Variants in HECW1 observed in about 807,000 individuals in gnomAD.
HECW1 encodes HECT, C2 and WW domain containing E3 ubiquitin protein ligase 1, also known as E3 ubiquitin-protein ligase HECW1.
Under a neutral mutation model 182.3 loss-of-function variants are expected in HECW1, and 61 were observed. The observed-to-expected ratio is 0.33, with a 90% CI of 0.27 to 0.41. HECW1 has a LOEUF of 0.41. Among genes scored for constraint, HECW1 ranks in the 10% least tolerant of loss-of-function variants. HECW1 has a pLI of 1.00. For synonymous variants in HECW1, 859 were observed against 832.6 expected (o/e 1.03, Z -0.55); for missense variants, 1,739 against 2,108.9 (o/e 0.82, Z 3.44).
chr7:43,450,080 C>G (rs1487417538), intron 11 of HECW1, among the ~76,000 whole-genome samples: 1 of 152,176 alleles, frequency 6.6e-6, no homozygotes, highest in Non-Finnish European at 1.5e-5. Flanking sequence ...CTTCCTCCTT[C>G]TTTCCCATTT....
At chr7:43,212,681 A>G (rs1198703794) in intron 2 of HECW1, among the ~76,000 whole-genome samples, 1 of 152,240 alleles carries the variant, frequency 6.6e-6, no homozygotes, top group Non-Finnish European at 1.5e-5. Flanking sequence ...TTACTTTAAA[A>G]TGGATAAATA....
intron 17 of HECW1, among the ~76,000 whole-genome samples, chr7:43,488,420 G>GAGAA (rs200626288): frequency 1.6e-5 from 1 of 63,358 alleles, no homozygotes; most frequent in Non-Finnish European, 3.7e-5. Flanking sequence ...AAGAGAGAGA[G>GAGAA]AGAAAGAAAG....
chr7:43,141,615 CA>C (rs1205485335), intron 2 of HECW1, among the ~76,000 whole-genome samples: 2 of 152,012 alleles, frequency 1.3e-5, no homozygotes, highest in African/African-American at 2.4e-5. Context: ...TCTCCTGCCT[CA>C]AGCATCCTGA....
At chr7:43,543,643 A>C (rs1461198548) in intron 26 of HECW1, among the ~76,000 whole-genome samples, 1 of 151,834 alleles carries the variant, frequency 6.6e-6, no homozygotes, top group African/African-American at 2.4e-5. Context: ...GCTGGGGATG[A>C]TGGCAGACAC....
chr7:43,404,506 AAG>A (rs1258739239), intron 7 of HECW1, among the ~76,000 whole-genome samples: 2 of 152,230 alleles, frequency 1.3e-5, no homozygotes, highest in African/African-American at 4.8e-5. Flanking sequence ...TAAGAACAAT[AAG>A]AGTGACTTAA....
At chr7:43,394,039 T>C (rs556935558) in intron 6 of HECW1, among the ~76,000 whole-genome samples, 1 of 152,198 alleles carries the variant, frequency 6.6e-6, no homozygotes, top group African/African-American at 2.4e-5. Flanking sequence ...TAAATTAGAA[T>C]TAGGAGCCAG....
chr7:43,454,756 G>A (rs1464990087), intron 12 of HECW1, among the ~76,000 whole-genome samples: 1 of 152,110 alleles, frequency 6.6e-6, no homozygotes, highest in East Asian at 1.9e-4. Context: ...AAAAAAATGA[G>A]AGTTGCTATG....
intron 6 of HECW1, among the ~76,000 whole-genome samples, chr7:43,382,178 C>T (rs905477546): frequency 1.3e-5 from 2 of 151,970 alleles, no homozygotes; most frequent in Non-Finnish European, 1.5e-5. Flanking sequence ...CCCAGCTGCT[C>T]GGGAGGCTGA....
At chr7:43,513,667 T>C (rs923343311) in intron 24 of HECW1, among the ~76,000 whole-genome samples, 3 of 149,892 alleles carry the variant, frequency 2.0e-5, no homozygotes, top group Admixed American at 6.6e-5. Flanking sequence ...AAAAAAAAAC[T>C]GTTTGTGGGT....
At position 43,243,893 on chromosome 7, in the gene HECW1, G is replaced by C; in HGVS notation, c.-13G>C. The C allele has an allele frequency of 1.2e-6, 2 of 1,613,594 alleles. No individual in the cohort carries two copies. The highest frequency in any genetic ancestry group is 1.7e-6 in the Non-Finnish European group (2 of 1,179,528). On this transcript the variant is annotated 5_prime_UTR_variant, in exon 3 of 30. Coordinates refer to ENST00000395891, the MANE Select transcript of HECW1 (RefSeq NM_015052.5). This position sits in a 1 kb window ranked among gnomAD's most constrained non-coding sequence, Gnocchi z 4.0. ...TCCCCAGGAATTGATGCGCGTACAC[G>C]TGGTGGGTCATTATGCTGCTGCACC...
chr7:43,422,926 G>C (rs919699775), intron 8 of HECW1, among the ~76,000 whole-genome samples: 1 of 140,054 alleles, frequency 7.1e-6, no homozygotes, highest in Non-Finnish European at 1.5e-5. Context: ...GCAGTGCCTG[G>C]CCGAGAGTCG....
intron 2 of HECW1, among the ~76,000 whole-genome samples, chr7:43,161,981 G>A (rs770366521): frequency 5.3e-5 from 8 of 152,332 alleles, no homozygotes; most frequent in Admixed American, 1.3e-4. Context: ...AGATGTGATG[G>A]TGGCATCTGT....
intron 2 of HECW1, among the ~76,000 whole-genome samples, chr7:43,139,478 C>T (rs537249277): frequency 1.3e-5 from 2 of 152,220 alleles, no homozygotes; most frequent in East Asian, 1.9e-4. Context: ...GAATCCATTT[C>T]CTACTTAGAG....
intron 8 of HECW1, among the ~76,000 whole-genome samples, chr7:43,419,774 C>T (rs1332571411): frequency 6.6e-6 from 1 of 152,246 alleles, no homozygotes; most frequent in East Asian, 1.9e-4. Context: ...ATTTAATTTC[C>T]CCAGCAAGGC....
intron 4 of HECW1, among the ~76,000 whole-genome samples, chr7:43,319,442 CAG>C (rs917692722): frequency 1.3e-5 from 2 of 149,152 alleles, no homozygotes; most frequent in Non-Finnish European, 3.0e-5. Context: ...AAGTGATGAG[CAG>C]AGAACAGCAG....
intron 5 of HECW1, among the ~76,000 whole-genome samples, chr7:43,323,270 G>A (rs980636988): frequency 6.6e-6 from 1 of 152,078 alleles, no homozygotes; most frequent in Non-Finnish European, 1.5e-5. Flanking sequence ...GTCCTCATGG[G>A]CAGTATGAAA....
At chr7:43,440,974 T>C (rs574691936) in intron 9 of HECW1, among the ~76,000 whole-genome samples, 2 of 152,340 alleles carry the variant, frequency 1.3e-5, no homozygotes, top group South Asian at 4.1e-4. Context: ...TTTATCTTTT[T>C]ATTTTCATGT....
At chr7:43,523,131 G>A (rs563431980) in intron 24 of HECW1, 1 of 366,724 alleles carries the variant, frequency 2.7e-6, no homozygotes, top group East Asian at 1.0e-4. Context: ...AGCCTCTCAA[G>A]TAGCTGGGAT....
chr7:43,322,118 G>T (rs1405951727), intron 5 of HECW1, among the ~76,000 whole-genome samples: 2 of 152,160 alleles, frequency 1.3e-5, no homozygotes, highest in Middle Eastern at 3.2e-3. Context: ...TGCCCAGGCT[G>T]GAGTGCAATG....
Sources: allele counts gnomAD v4.1 joint callset (sites outside exome capture counted in the v4.1 genomes callset), GRCh38; gene constraint gnomAD v4.1.1; non-coding constraint Gnocchi (gnomAD v3.1); transcripts MANE v1.5; gene names NCBI Gene and HGNC (gene_info 2026-07-23, HGNC 2026-07-21).